FHIT: variants seen among roughly 807,000 people sequenced by gnomAD.
FHIT encodes the protein fragile histidine triad diadenosine triphosphatase.
FHIT carries 19 observed loss-of-function variants against 17.9 expected under a neutral mutation model. The observed-to-expected ratio is 1.06, with a 90% CI of 0.74 to 1.56. The LOEUF is 1.56. FHIT is among the 40% of genes most tolerant of loss of function. The pLI is 0.00. For missense variants in FHIT, 248 were observed against 189.2 expected (o/e 1.31, Z -1.82); for synonymous variants, 81 against 69.7 (o/e 1.16, Z -0.81).
At chr3:59,941,769 G>A (rs1476085966) in intron 7 of FHIT, among the ~76,000 whole-genome samples, 1 of 152,100 alleles carries the variant, frequency 6.6e-6, no homozygotes, top group African/African-American at 2.4e-5. Flanking sequence ...GCCACTACGA[G>A]GTCCTCTGAG....
chr3:60,609,675 A>G (rs1576965531), intron 4 of FHIT, among the ~76,000 whole-genome samples: 1 of 152,170 alleles, frequency 6.6e-6, no homozygotes, highest in African/African-American at 2.4e-5. Context: ...TTTATTCACT[A>G]GGCTTAGGCA....
intron 4 of FHIT, among the ~76,000 whole-genome samples, chr3:60,669,255 A>C (rs1223679075): frequency 2.0e-5 from 3 of 152,338 alleles, no homozygotes; most frequent in African/African-American, 7.2e-5. Context: ...AACATGACTT[A>C]TAAGTGTTCA....
chr3:60,987,817 G>A (rs547725684), intron 3 of FHIT, among the ~76,000 whole-genome samples: 3 of 152,292 alleles, frequency 2.0e-5, no homozygotes, highest in African/African-American at 4.8e-5. Flanking sequence ...AGAGACAAGG[G>A]AGATTGAAAT....
chr3:60,239,388 G>T (rs75387309), intron 5 of FHIT, among the ~76,000 whole-genome samples: 227 of 152,126 alleles, frequency 1.5e-3, no homozygotes, highest in African/African-American at 5.1e-3. Context: ...AACATAGGGG[G>T]ACCCCAGTCT....
intron 3 of FHIT, among the ~76,000 whole-genome samples, chr3:60,970,182 C>T (rs1358978060): frequency 1.3e-5 from 2 of 152,148 alleles, no homozygotes; most frequent in African/African-American, 4.8e-5. Flanking sequence ...TGGTAAAATC[C>T]CAACTAAGGC....
chr3:60,345,782 TAAGA>T (rs1328374922), intron 5 of FHIT, among the ~76,000 whole-genome samples: 8 of 152,230 alleles, frequency 5.3e-5, no homozygotes, highest in African/African-American at 9.6e-5. Flanking sequence ...TTATGCACTT[TAAGA>T]AAGAAAATGT....
At chr3:60,199,816 C>G (rs1308231251) in intron 5 of FHIT, among the ~76,000 whole-genome samples, 1 of 152,036 alleles carries the variant, frequency 6.6e-6, no homozygotes, top group Admixed American at 6.6e-5. Flanking sequence ...ACCTACAATT[C>G]TTCTGTGTTA....
At chr3:60,793,393 C>G (rs1434416792) in intron 4 of FHIT, among the ~76,000 whole-genome samples, 1 of 151,992 alleles carries the variant, frequency 6.6e-6, no homozygotes, top group Admixed American at 6.6e-5. Flanking sequence ...ATCTCCAACC[C>G]CTGGGTTCAA....
intron 3 of FHIT, among the ~76,000 whole-genome samples, chr3:61,023,741 A>G (rs929089221): frequency 6.6e-6 from 1 of 152,220 alleles, no homozygotes; most frequent in African/African-American, 2.4e-5. Context: ...AAAAGCAAGC[A>G]ATGGGGAAAG....
intron 4 of FHIT, among the ~76,000 whole-genome samples, chr3:60,642,525 C>T (rs534193446): frequency 2.6e-5 from 4 of 152,192 alleles, no homozygotes; most frequent in Non-Finnish European, 5.9e-5. Flanking sequence ...GCTACTCATG[C>T]TCATTCTCAA....
intron 5 of FHIT, among the ~76,000 whole-genome samples, chr3:60,402,029 C>A (rs1576600985): frequency 6.6e-6 from 1 of 152,090 alleles, no homozygotes; most frequent in Non-Finnish European, 1.5e-5. Context: ...ACTCCAGACA[C>A]AAAATGCATG....
At chr3:60,912,280 G>A (rs577128786) in intron 3 of FHIT, among the ~76,000 whole-genome samples, 3 of 152,268 alleles carry the variant, frequency 2.0e-5, no homozygotes, top group African/African-American at 4.8e-5. Context: ...GGGGGTAAAC[G>A]TGGCACAGCA....
chr3:60,519,297 T>C (rs1454524088), intron 5 of FHIT, among the ~76,000 whole-genome samples: 1 of 152,214 alleles, frequency 6.6e-6, no homozygotes, highest in African/African-American at 2.4e-5. Flanking sequence ...ATAGATATAA[T>C]TTAAACAAAA....
chr3:59,947,394 T>A (rs1445782678), intron 7 of FHIT, among the ~76,000 whole-genome samples: 1 of 152,312 alleles, frequency 6.6e-6, no homozygotes, highest in South Asian at 2.1e-4. Flanking sequence ...TTTATTTGAA[T>A]CTTCTTTTTT....
At chr3:60,006,339 G>A (rs1198834495) in intron 7 of FHIT, among the ~76,000 whole-genome samples, 1 of 152,200 alleles carries the variant, frequency 6.6e-6, no homozygotes, top group Non-Finnish European at 1.5e-5. Context: ...TTCGTAGCGA[G>A]AGAATTCAGT....
intron 5 of FHIT, among the ~76,000 whole-genome samples, chr3:60,157,054 TAATA>T (rs1223807032): frequency 2.6e-5 from 4 of 152,158 alleles, no homozygotes; most frequent in Non-Finnish European, 4.4e-5. Context: ...CATTTTTGAT[TAATA>T]AATCAATACT....
chr3:60,743,073 G>A (rs930169525), intron 4 of FHIT, among the ~76,000 whole-genome samples: 8 of 152,130 alleles, frequency 5.3e-5, no homozygotes, highest in Non-Finnish European at 8.8e-5. Flanking sequence ...GAACAGAGCG[G>A]GAGGCACTGT....
chr3:60,860,953 ATATATACGTATATATCATG>A lies in FHIT; in HGVS notation c.-110-38961_-110-38943del, dbSNP rs1703772457. 3.8e-5 allele frequency among the ~76,000 whole-genome samples: 4 copies of A among 106,534 alleles called. No homozygotes were observed. In the East Asian group the frequency reaches 6.9e-4, roughly 18 times the overall value. 69.9% of individuals were successfully genotyped at this position (106,534 alleles called of 152,430 possible). A position where few individuals can be genotyped will look rare whatever the true frequency, so the allele number is the denominator to read the frequency against. ...CGTATATATCATGTATATATGATAC[ATATATACGTATATATCATG>A]TATATATGATACATATATACGTATA... On this transcript the variant is annotated intron_variant, in intron 3 of 9. Transcript: ENST00000492590.
At position 60,861,186 on chromosome 3, in the gene FHIT, G is replaced by GATATATC. The variant is rs1559781563; in HGVS notation, c.-110-39176_-110-39175insGATATAT. ...ATATCATATGTTCTATGATATATAT[G>GATATATC]ATATATATCATATATGATATATATG... On this transcript the variant is annotated intron_variant, in intron 3 of 9. Coordinates refer to ENST00000492590, the MANE Select transcript of FHIT (RefSeq NM_002012.4). Among the ~76,000 whole-genome samples the GATATATC allele has an allele frequency of 2.1e-3, 21 of 9,874 alleles. 3 individuals carry two copies. The highest frequency in any genetic ancestry group is 5.2e-3 in the African/African-American group (18 of 3,460). 6.5% of individuals were successfully genotyped at this position (9,874 alleles called of 152,430 possible). A position where few individuals can be genotyped will look rare whatever the true frequency, so the allele number is the denominator to read the frequency against.
Sources: gnomAD v4.1 joint callset for allele counts (sites outside exome capture counted in the v4.1 genomes callset) on GRCh38, gnomAD v4.1.1 for gene constraint, MANE v1.5 for transcripts, NCBI Gene and HGNC (gene_info 2026-07-23, HGNC 2026-07-21) for gene names.